NCOA7: variants seen among roughly 807,000 people sequenced by gnomAD.
NCOA7 encodes the protein nuclear receptor coactivator 7.
In NCOA7, 45 loss-of-function variants were observed where a neutral mutation model predicts 104.3. The observed-to-expected ratio is 0.43, with a 90% confidence interval of 0.34 to 0.55. The LOEUF (loss-of-function observed/expected upper bound fraction) is 0.55, where lower values mean the gene tolerates loss of function less well. NCOA7 is among the 20% of genes least tolerant of loss of function. The probability of loss-of-function intolerance (pLI) is 0.02; values close to 1 mark genes in which losing one functional copy is unlikely to be tolerated. For synonymous variants in NCOA7, 398 were observed against 402.3 expected, an observed-to-expected ratio of 0.99 and a Z score of 0.13; for missense variants, 1,041 against 1,119.7, an observed-to-expected ratio of 0.93 and a Z score of 1.00.
chr6:125,825,092 T>C (rs1054009584), intron 2 of NCOA7, among the ~76,000 whole-genome samples: 1 of 151,206 alleles, frequency 6.6e-6, no homozygotes, highest in Admixed American at 6.6e-5. Flanking sequence ...AATCCCAGCG[T>C]TTTGAGAGGC....
chr6:125,850,740 G>C (rs1034322292), intron 2 of NCOA7, among the ~76,000 whole-genome samples: 1 of 152,196 alleles, frequency 6.6e-6, no homozygotes, highest in African/African-American at 2.4e-5. Context: ...ATCACCTTCG[G>C]AAGGGGGCAA....
At chr6:125,905,739 G>A (rs1300082261) in intron 10 of NCOA7, among the ~76,000 whole-genome samples, 1 of 152,210 alleles carries the variant, frequency 6.6e-6, no homozygotes, top group Non-Finnish European at 1.5e-5. Context: ...AAAGTGAGGT[G>A]TGGGAGGGAC....
In NCOA7 at chr6:125,928,174, G is replaced by T. The variant is rs200802693; in HGVS notation, c.2620G>T (p.Val874Phe). 1.0e-4 allele frequency: 168 copies of T among 1,610,994 alleles called. No individual in the cohort carries two copies. Among genetic ancestry groups the T allele is most frequent in the Non-Finnish European group, 1.3e-4 (156 of 1,178,752 alleles). ...TTCTTTTTTGTGTTTCTTCCCCAAGGTCTTTAAGTGGAGTGGAGAAAATTC... is the reference window on the plus strand; with the variant it reads ...TTCTTTTTTGTGTTTCTTCCCCAAGTTCTTTAAGTGGAGTGGAGAAAATTC... ...FLYTFSPHFK[V>F]FKWSGENSYF... The change falls in exon 15 of 16, where the codon GTC becomes TTC. Residue 874 changes from valine (V) to phenylalanine (F), a missense_variant and splice_region_variant. This residue lies in a region of NCOA7 where 127 missense variants were observed against 177.0 expected (regional missense o/e 0.72). Transcript: ENST00000392477.
chr6:125,833,441 C>T (rs1037730406), intron 2 of NCOA7, among the ~76,000 whole-genome samples: 9 of 151,846 alleles, frequency 5.9e-5, no homozygotes, highest in African/African-American at 1.2e-4. Context: ...CAAAAATTAG[C>T]GAGGTGTGAC....
chr6:125,829,732 G>A (rs1016283163), intron 2 of NCOA7, among the ~76,000 whole-genome samples: 1 of 151,448 alleles, frequency 6.6e-6, no homozygotes, highest in African/African-American at 2.4e-5. Context: ...CATATCATAT[G>A]AGGAACTAAC....
chr6:125,809,083 G>A (rs1450916512), intron 1 of NCOA7, among the ~76,000 whole-genome samples: 1 of 152,146 alleles, frequency 6.6e-6, no homozygotes, highest in East Asian at 1.9e-4. Context: ...CTTTTTAGTT[G>A]TTTGTTGCTG....
At chr6:125,892,121 G>T (rs1784662728) in intron 10 of NCOA7, among the ~76,000 whole-genome samples, 1 of 152,116 alleles carries the variant, frequency 6.6e-6, no homozygotes, top group Non-Finnish European at 1.5e-5. Flanking sequence ...GAAACTTTCA[G>T]TTACATTGTG....
intron 1 of NCOA7, among the ~76,000 whole-genome samples, chr6:125,810,898 C>T (rs1202307234): frequency 1.3e-5 from 2 of 152,190 alleles, no homozygotes; most frequent in Non-Finnish European, 2.9e-5. Context: ...TAATCAGACA[C>T]AGCAGCACCA....
chr6:125,783,102 C>T (rs547333206), intron 1 of NCOA7, among the ~76,000 whole-genome samples: 2 of 152,298 alleles, frequency 1.3e-5, no homozygotes, highest in South Asian at 4.1e-4. Context: ...CAAAAAGCAG[C>T]TCTGCCAACA....
chr6:125,856,506 C>T lies in NCOA7; in HGVS notation c.271+1266C>T, dbSNP rs534783278. 8.5e-5 allele frequency among the ~76,000 whole-genome samples: 13 copies of T among 152,230 alleles called. No individual in the cohort carries two copies. The East Asian group carries it at 2.3e-3, about 27-fold the overall frequency. On this transcript the variant is annotated intron_variant, in intron 3 of 15. Transcript: ENST00000392477. ...TAGCTGGGACTAGAGGCACCCGCCA[C>T]CACGCCCGGCTAATTTTTTGTATAT...
intron 4 of NCOA7, among the ~76,000 whole-genome samples, chr6:125,876,349 A>G (rs908971582): frequency 2.6e-5 from 4 of 152,232 alleles, no homozygotes; most frequent in Non-Finnish European, 4.4e-5. Context: ...GGATGATTAT[A>G]TCTTATATTA....
intron 2 of NCOA7, among the ~76,000 whole-genome samples, chr6:125,845,801 C>A (rs1459097833): frequency 6.6e-6 from 1 of 152,110 alleles, no homozygotes; most frequent in Non-Finnish European, 1.5e-5. Flanking sequence ...TCTCTCCCCA[C>A]TCATTGACCA....
intron 3 of NCOA7, among the ~76,000 whole-genome samples, chr6:125,862,037 CAAAAAAAAAAAA>C (rs56389001): frequency 1.6e-5 from 1 of 63,778 alleles, no homozygotes; most frequent in African/African-American, 1.2e-4. Flanking sequence ...AACTCTTTCT[CAAAAAAAAAAAA>C]AAAAAAAAAA....
chr6:125,811,859 G>A lies in NCOA7; in HGVS notation c.-64-3432G>A, dbSNP rs138545820. ...GCTAGGTACATGTGCCTTAACTTGCGAATTCTGTGCTGCAGCATTGGATGT... is the reference window on the plus strand; with the variant it reads ...GCTAGGTACATGTGCCTTAACTTGCAAATTCTGTGCTGCAGCATTGGATGT... On this transcript the variant is annotated intron_variant, in intron 1 of 15. Coordinates refer to ENST00000392477, the MANE Select transcript of NCOA7 (RefSeq NM_181782.5). Among the ~76,000 whole-genome samples the A allele has an allele frequency of 2.2e-3, 335 of 152,208 alleles. 1 individual carries two copies. The highest frequency in any genetic ancestry group is 7.6e-3 in the African/African-American group (314 of 41,520).
chr6:125,900,340 G>A (rs917437394), intron 10 of NCOA7, among the ~76,000 whole-genome samples: 27 of 152,190 alleles, frequency 1.8e-4, no homozygotes, highest in African/African-American at 6.5e-4. Flanking sequence ...CACGCTATGG[G>A]CTGCCAGCCT....
In NCOA7 at chr6:125,928,753, G is replaced by A. The variant is rs757872187; in HGVS notation, c.2811G>A (p.Glu937=). The change falls in exon 16 of 16, where the codon GAG becomes GAA. Residue 937 remains glutamate, a synonymous_variant. Transcript: ENST00000392477. The part of the protein sequence containing the change: ...KKEDFIVQDL[E]VWAFD Reference sequence around the variant, plus strand: ...AAGACTTCATAGTTCAGGATCTGGAGGTGTGGGCATTTGATTGAAATTCAG... The same window carrying A: ...AAGACTTCATAGTTCAGGATCTGGAAGTGTGGGCATTTGATTGAAATTCAG... 5 of 1,611,298 alleles carry A rather than the reference G, an allele frequency of 3.1e-6. No individual in the cohort carries two copies. The highest frequency in any genetic ancestry group is 1.7e-6 in the Non-Finnish European group (2 of 1,179,144).
In NCOA7 at chr6:125,928,257, T is replaced by C. The variant is rs1363880033; in HGVS notation, c.2693+10T>C. 1.4e-5 allele frequency: 23 copies of C among 1,596,926 alleles called. No individual in the cohort carries two copies. Among genetic ancestry groups the C allele is most frequent in the Non-Finnish European group, 1.9e-5 (22 of 1,174,942 alleles). On this transcript the variant is annotated intron_variant, in intron 15 of 15. Transcript: ENST00000392477. ...AACTTGGTGGTGGAGGGTAAGGTTT[T>C]TTTTGTTTTTGTTTTCTTATTGTTA...
Position 125,852,131 on chromosome 6 carries a change from G to A in NCOA7, c.51-2889G>A, listed in dbSNP as rs189030679. Among the ~76,000 whole-genome samples, 238 of 151,980 alleles carry A rather than the reference G, an allele frequency of 1.6e-3. 1 individual carries two copies. Among genetic ancestry groups the A allele is most frequent in the African/African-American group, 5.3e-3 (219 of 41,468 alleles). ...GGTCCCATTTATTTTTGTTTTTATT[G>A]CATTTGCTTTTGGGGTCTTAGTCAT... is the stretch of plus-strand genomic sequence containing the variant. On this transcript the variant is annotated intron_variant, in intron 2 of 15. Transcript: ENST00000392477.
In NCOA7 at chr6:125,822,546, T is replaced by G. The variant is rs139442265; in HGVS notation, c.50+7142T>G. ...AGGGCCTGAGCCCCAAATCCCTGTC[T>G]GCTGTGTCTGTATCTCTGAGTGTTA... is the stretch of plus-strand genomic sequence containing the variant. On this transcript the variant is annotated intron_variant, in intron 2 of 15. Coordinates refer to ENST00000392477, the MANE Select transcript of NCOA7 (RefSeq NM_181782.5). Among the ~76,000 whole-genome samples, 425 of 152,340 alleles carry G rather than the reference T, an allele frequency of 2.8e-3. 1 individual carries two copies. The highest frequency in any genetic ancestry group is 9.8e-3 in the African/African-American group (409 of 41,578).
Sources: gnomAD v4.1 joint callset for allele counts (sites outside exome capture counted in the v4.1 genomes callset) on GRCh38, gnomAD v4.1.1 for gene constraint, gnomAD v4.1.1 regional missense constraint, MANE v1.5 for transcripts, NCBI Gene and HGNC (gene_info 2026-07-23, HGNC 2026-07-21) for gene names.